The following CTDSP2 variants were observed in gnomAD, a reference collection of about 807,000 sequenced individuals.
CTDSP2 encodes carboxy-terminal domain RNA polymerase II polypeptide A small phosphatase 2.
A neutral mutation model predicts 31.6 loss-of-function variants in CTDSP2; 9 were observed. That is an observed-to-expected ratio of 0.28 (90% confidence interval 0.17 to 0.50). The LOEUF (loss-of-function observed/expected upper bound fraction) is 0.50, where lower values mean the gene tolerates loss of function less well. CTDSP2 is among the 20% of genes least tolerant of loss of function. The pLI, the probability that CTDSP2 is intolerant of heterozygous loss-of-function variation, is 0.98. For missense variants in CTDSP2, 267 were observed against 348.5 expected (o/e 0.77, Z 1.86); for synonymous variants, 134 against 134.5 (o/e 1.00, Z 0.03).
At chr12:57,836,331 T>C (rs532319202) in intron 1 of CTDSP2, among the ~76,000 whole-genome samples, 1 of 152,316 alleles carries the variant, frequency 6.6e-6, no homozygotes, top group Admixed American at 6.5e-5. Context: ...TCATCCCCAC[T>C]ACTCTCAAGA....
rs377370406 is a variant in CTDSP2, at chr12:57,826,955, G to T, written c.354+41C>A. ...CATCTGTTGCCAGATTCACAAGAAG[G>T]CCCAAGATAAAGGTAGGAAGGGTTC... On this transcript the variant is annotated intron_variant, in intron 4 of 7. Transcript: ENST00000398073. The T allele has an allele frequency of 1.1e-4, 165 of 1,442,442 alleles. 2 individuals are homozygous for T. The highest frequency in any genetic ancestry group is 9.1e-4 in the South Asian group (79 of 87,230). 89.4% of individuals were successfully genotyped at this position (1,442,442 alleles called of 1,614,324 possible). A position where few individuals can be genotyped will look rare whatever the true frequency, so the allele number is the denominator to read the frequency against.
intron 1 of CTDSP2, 129 bp downstream of exon 1, chr12:57,846,243 C>G: frequency 1.3e-6 from 1 of 794,096 alleles, no homozygotes; most frequent in Non-Finnish European, 2.0e-6. Flanking sequence ...GCGGATGGAC[C>G]GGAGGGGTCC....
At chr12:57,839,583 T>C (rs1956269708) in intron 1 of CTDSP2, among the ~76,000 whole-genome samples, 1 of 152,086 alleles carries the variant, frequency 6.6e-6, no homozygotes, top group African/African-American at 2.4e-5. Context: ...CCGGGCGTGG[T>C]GGCGGGCGCC....
chr12:57,836,601 C>T (rs1956248996), intron 1 of CTDSP2, among the ~76,000 whole-genome samples: 1 of 152,176 alleles, frequency 6.6e-6, no homozygotes, highest in African/African-American at 2.4e-5. Context: ...GTGATTGCAC[C>T]ACTGCACTCC....
intron 2 of CTDSP2, 66 bp from the exon 3 acceptor site, chr12:57,827,656 C>T (rs1446671021): frequency 6.6e-6 from 10 of 1,517,772 alleles, no homozygotes; most frequent in South Asian, 1.1e-5. Flanking sequence ...AAACCCACTG[C>T]TTCTGTCTTA....
At chr12:57,845,394 C>A (rs1956308543) in intron 1 of CTDSP2, 1 of 152,238 alleles carries the variant, frequency 6.6e-6, no homozygotes, top group African/African-American at 2.4e-5. Context: ...CACCCTCGGG[C>A]CCCAGCTTTC....
chr12:57,829,600 G>A lies in CTDSP2; in HGVS notation c.65-4C>T, dbSNP rs372226784. ...GGAGAGGACTTGGAGACCAGGCCTA[G>A]GGTGGAGAGAATGACAGAGGCTTTA... On this transcript the variant is annotated splice_polypyrimidine_tract_variant and splice_region_variant and intron_variant, in intron 1 of 7. Transcript: ENST00000398073. 1.2e-6 allele frequency: 2 copies of A among 1,613,294 alleles called. No homozygotes were observed. The highest frequency in any genetic ancestry group is 1.7e-6 in the Non-Finnish European group (2 of 1,179,222).
chr12:57,840,223 G>C (rs576005664), intron 1 of CTDSP2, among the ~76,000 whole-genome samples: 2 of 152,272 alleles, frequency 1.3e-5, no homozygotes, highest in South Asian at 2.1e-4. Context: ...GATCCCAGGT[G>C]GGGGGTCTGT....
At chr12:57,827,317 G>A (rs1565844731) in intron 3 of CTDSP2, 2 of 628,660 alleles carry the variant, frequency 3.2e-6, no homozygotes, top group East Asian at 5.4e-5. Flanking sequence ...TGGTGGCCAG[G>A]GCAGGTGTGG....
chr12:57,826,969 T>G (rs752235936), intron 4 of CTDSP2, 27 bp downstream of exon 4: 1 of 1,534,158 alleles, frequency 6.5e-7, no homozygotes, highest in East Asian at 2.2e-5. Flanking sequence ...AAGATAAAGG[T>G]AGGAAGGGTT....
At chr12:57,843,867 A>T (rs543003704) in intron 1 of CTDSP2, among the ~76,000 whole-genome samples, 1 of 152,350 alleles carries the variant, frequency 6.6e-6, no homozygotes, top group African/African-American at 2.4e-5. Context: ...TAAGCAGCCC[A>T]GGAAGAAAGT....
chr12:57,832,924 T>C lies in CTDSP2; in HGVS notation c.65-3328A>G, dbSNP rs185710483. Among the ~76,000 whole-genome samples, 299 of 152,060 alleles carry C rather than the reference T, an allele frequency of 2.0e-3. 2 individuals carry two copies. Among genetic ancestry groups the C allele is most frequent in the Middle Eastern group, 3.4e-3 (1 of 292 alleles). ...GAAAGGACAGCTTCCCCACCTTGCC[T>C]GCATGGCTCACATTAAATTCTAAGC... is the stretch of plus-strand genomic sequence containing the variant. On this transcript the variant is annotated intron_variant, in intron 1 of 7. Coordinates refer to ENST00000398073, the MANE Select transcript of CTDSP2 (RefSeq NM_005730.4).
intron 1 of CTDSP2, among the ~76,000 whole-genome samples, chr12:57,844,941 G>C (rs938794668): frequency 6.6e-6 from 1 of 150,852 alleles, no homozygotes; most frequent in Admixed American, 6.6e-5. Context: ...GTTCCACTGA[G>C]GGAATTTGGG....
intron 1 of CTDSP2, among the ~76,000 whole-genome samples, chr12:57,837,904 C>T (rs1956257746): frequency 6.6e-6 from 1 of 152,024 alleles, no homozygotes; most frequent in African/African-American, 2.4e-5. Context: ...TCCTTAATGC[C>T]ACCTGTGGGG....
chr12:57,840,227 G>T (rs2140483969), intron 1 of CTDSP2, among the ~76,000 whole-genome samples: 2 of 152,336 alleles, frequency 1.3e-5, no homozygotes, highest in East Asian at 3.9e-4. Context: ...CCAGGTGGGG[G>T]GTCTGTATTT....
chr12:57,830,404 CAAACAAACAAACAA>C (rs992778092), intron 1 of CTDSP2, among the ~76,000 whole-genome samples: 5 of 151,296 alleles, frequency 3.3e-5, no homozygotes, highest in East Asian at 3.9e-4. Flanking sequence ...ACAACAAAAA[CAAACAAACAAACAA>C]AACCAACAAC....
At chr12:57,826,456 C>T in intron 4 of CTDSP2, 54 bp from the exon 5 acceptor site, 1 of 1,540,338 alleles carries the variant, frequency 6.5e-7, no homozygotes, top group Non-Finnish European at 9.0e-7. Flanking sequence ...AACATGAGGC[C>T]CCCACCATAC....
chr12:57,846,275 G>A (rs900256481), intron 1 of CTDSP2, 97 bp downstream of exon 1: 33 of 1,160,106 alleles, frequency 2.8e-5, no homozygotes, highest in Admixed American at 4.4e-5. Flanking sequence ...CTGGCTCTAA[G>A]CCCTGGAGGT....
chr12:57,840,913 G>C (rs1199539965), intron 1 of CTDSP2, among the ~76,000 whole-genome samples: 1 of 152,248 alleles, frequency 6.6e-6, no homozygotes, highest in East Asian at 1.9e-4. Flanking sequence ...GCTCACTGGA[G>C]TACCCTGTGA....
Sources: gnomAD v4.1 joint callset for allele counts (sites outside exome capture counted in the v4.1 genomes callset) on GRCh38, gnomAD v4.1.1 for gene constraint, MANE v1.5 for transcripts, NCBI Gene and HGNC (gene_info 2026-07-23, HGNC 2026-07-21) for gene names.